Variants in BLTP3B observed in about 807,000 individuals in gnomAD.
BLTP3B encodes the protein bridge-like lipid transfer protein family member 3B.
chr12:100,128,484 A>C, the BLTP3B span: 1 of 982,302 alleles, frequency 1.0e-6, no homozygotes, highest in African/African-American at 1.7e-5. Context: ...TAAAACAGTA[A>C]GAAAATATTC....
the BLTP3B span, among the ~76,000 whole-genome samples, chr12:100,097,695 T>A: frequency 6.6e-6 from 1 of 152,236 alleles, no homozygotes; most frequent in Non-Finnish European, 1.5e-5. Context: ...TTCATATTCA[T>A]ATTCATCATA....
At chr12:100,085,611 T>A in the BLTP3B span, among the ~76,000 whole-genome samples, 1 of 152,186 alleles carries the variant, frequency 6.6e-6, no homozygotes, top group Non-Finnish European at 1.5e-5. Context: ...CAAAAATGTG[T>A]GAACAGAAAA....
At chr12:100,084,404 AC>A in the BLTP3B span, 1 of 1,249,912 alleles carries the variant, frequency 8.0e-7, no homozygotes, top group Non-Finnish European at 1.1e-6. Context: ...ACACACACAC[AC>A]ACACACACAC....
chr12:100,140,729 A>AAATAT, the BLTP3B span, among the ~76,000 whole-genome samples: 28 of 61,488 alleles, frequency 4.6e-4, 2 homozygotes, highest in African/African-American at 2.2e-3. Context: ...AAAAAAAAAA[A>AAATAT]ATATATATAT....
At chr12:100,073,421 A>G in the BLTP3B span, among the ~76,000 whole-genome samples, 1 of 151,208 alleles carries the variant, frequency 6.6e-6, no homozygotes. Context: ...GCTGGTCTCA[A>G]ACTCCTGACC....
chr12:100,140,732 AT>A, the BLTP3B span, among the ~76,000 whole-genome samples: 257 of 85,432 alleles, frequency 3.0e-3, 2 homozygotes, highest in Non-Finnish European at 4.1e-3. Flanking sequence ...AAAAAAAAAT[AT>A]ATATATATAT....
chr12:100,079,288 T>C, the BLTP3B span, among the ~76,000 whole-genome samples: 1 of 152,194 alleles, frequency 6.6e-6, no homozygotes, highest in African/African-American at 2.4e-5. Flanking sequence ...GTTTGGAATT[T>C]CCTGAGACTT....
chr12:100,057,874 A>C, the BLTP3B span: 1 of 1,287,824 alleles, frequency 7.8e-7, no homozygotes, highest in Non-Finnish European at 1.1e-6. Context: ...GTATAAGCTC[A>C]AAGTGTTTTC....
chr12:100,110,279 T>C, the BLTP3B span, among the ~76,000 whole-genome samples: 1 of 152,224 alleles, frequency 6.6e-6, no homozygotes, highest in African/African-American at 2.4e-5. Flanking sequence ...AGATTCTATC[T>C]GAATTCATAT....
the BLTP3B span, among the ~76,000 whole-genome samples, chr12:100,135,687 C>A: frequency 6.6e-6 from 1 of 152,176 alleles, no homozygotes; most frequent in African/African-American, 2.4e-5. Context: ...TAGCATTTAA[C>A]ACACTGATAT....
At chr12:100,057,256 G>A in the BLTP3B span, among the ~76,000 whole-genome samples, 3 of 152,272 alleles carry the variant, frequency 2.0e-5, no homozygotes, top group South Asian at 4.1e-4. Context: ...AGAGAGGCAG[G>A]AGTATCTGGT....
At chr12:100,061,380 C>T in the BLTP3B span, among the ~76,000 whole-genome samples, 4 of 152,042 alleles carry the variant, frequency 2.6e-5, no homozygotes, top group Non-Finnish European at 4.4e-5. Flanking sequence ...TATGCAGGGC[C>T]GGCGCGGTGG....
chr12:100,056,613 G>A, the BLTP3B span, among the ~76,000 whole-genome samples: 11 of 151,872 alleles, frequency 7.2e-5, no homozygotes, highest in African/African-American at 2.4e-4. Context: ...CGAGGTGCAC[G>A]GATCATTCGA....
the BLTP3B span, chr12:100,102,713 T>C: frequency 4.2e-6 from 5 of 1,191,372 alleles, no homozygotes; most frequent in Non-Finnish European, 5.9e-6. Context: ...TTTTTTTTTT[T>C]TTTTTTAATG....
At chr12:100,094,400 T>C in the BLTP3B span, among the ~76,000 whole-genome samples, 11 of 152,256 alleles carry the variant, frequency 7.2e-5, no homozygotes, top group African/African-American at 2.6e-4. Flanking sequence ...CATGAGCCCC[T>C]GTCCCCTACT....
At chr12:100,095,668 T>C in the BLTP3B span, 54 of 1,605,122 alleles carry the variant, frequency 3.4e-5, no homozygotes, top group Non-Finnish European at 2.6e-5. Context: ...ATAGCTTACC[T>C]GTGTAGGTTC....
chr12:100,050,818 A>T, the BLTP3B span, among the ~76,000 whole-genome samples: 283 of 152,252 alleles, frequency 1.9e-3, 1 homozygote, highest in African/African-American at 6.7e-3. Context: ...TCTCTAAAAA[A>T]ATAAAAATAA....
the BLTP3B span, among the ~76,000 whole-genome samples, chr12:100,112,859 A>C: frequency 9.4e-6 from 1 of 106,568 alleles, no homozygotes; most frequent in African/African-American, 4.0e-5. Context: ...ACTCCATCTC[A>C]AAAAAAAAAA....
chr12:100,070,135 C>G, the BLTP3B span: 2 of 1,557,058 alleles, frequency 1.3e-6, no homozygotes, highest in South Asian at 1.2e-5. Context: ...CTTCCTTCAT[C>G]TATCTTGAGT....
Sources: allele counts gnomAD v4.1 joint callset (sites outside exome capture counted in the v4.1 genomes callset), GRCh38; gene constraint gnomAD v4.1.1; transcripts MANE v1.5; gene names NCBI Gene and HGNC (gene_info 2026-07-23, HGNC 2026-07-21).